EXOC6B: variants seen among roughly 807,000 people sequenced by gnomAD.
The protein encoded by EXOC6B is SEC15 homolog B.
A neutral mutation model predicts 113.5 loss-of-function variants in EXOC6B; 54 were observed. That is an observed-to-expected ratio of 0.48 (90% CI 0.38 to 0.60). The LOEUF (loss-of-function observed/expected upper bound fraction) is 0.60. Among genes scored for constraint, EXOC6B ranks in the 20% least tolerant of loss-of-function variants. The pLI is 0.00. For synonymous variants in EXOC6B, 357 were observed against 339.0 expected (o/e 1.05, Z -0.58); for missense variants, 797 against 977.5 (o/e 0.82, Z 2.46).
intron 8 of EXOC6B, among the ~76,000 whole-genome samples, chr2:72,533,328 A>G (rs913361339): frequency 2.6e-5 from 4 of 152,192 alleles, no homozygotes; most frequent in Non-Finnish European, 5.9e-5. Context: ...TCAGGTCTAC[A>G]TTGAAGAGCA....
intron 6 of EXOC6B, among the ~76,000 whole-genome samples, chr2:72,702,366 A>C (rs1678429363): frequency 7.5e-6 from 1 of 133,344 alleles, no homozygotes; most frequent in Non-Finnish European, 1.6e-5. Flanking sequence ...ATTGTGAATA[A>C]TGCCGCAATA....
At chr2:72,685,632 G>T (rs1245891345) in intron 6 of EXOC6B, among the ~76,000 whole-genome samples, 1 of 152,078 alleles carries the variant, frequency 6.6e-6, no homozygotes, top group Admixed American at 6.6e-5. Context: ...AACATTCTTA[G>T]GCAGCTTTTC....
chr2:72,478,319 G>C (rs1698873546), intron 17 of EXOC6B, among the ~76,000 whole-genome samples: 1 of 152,152 alleles, frequency 6.6e-6, no homozygotes, highest in South Asian at 2.1e-4. Flanking sequence ...AGAAATAAGA[G>C]GGAACTCTGC....
chr2:72,538,432 T>C (rs1702423306), intron 8 of EXOC6B, among the ~76,000 whole-genome samples: 1 of 152,244 alleles, frequency 6.6e-6, no homozygotes, highest in South Asian at 2.1e-4. Context: ...TGATGCTAAA[T>C]TTAATAATAT....
intron 11 of EXOC6B, among the ~76,000 whole-genome samples, chr2:72,502,723 C>A (rs924683975): frequency 2.0e-5 from 3 of 152,236 alleles, no homozygotes; most frequent in Admixed American, 2.0e-4. Flanking sequence ...CTTTAAGAAT[C>A]TGCTCTTTTT....
intron 1 of EXOC6B, among the ~76,000 whole-genome samples, chr2:72,754,135 C>T (rs1272597571): frequency 6.6e-6 from 1 of 152,068 alleles, no homozygotes; most frequent in African/African-American, 2.4e-5. Flanking sequence ...AATCCTCCCA[C>T]CTCGGCCTCC....
intron 1 of EXOC6B, among the ~76,000 whole-genome samples, chr2:72,759,374 G>A (rs1682614601): frequency 6.6e-6 from 1 of 152,092 alleles, no homozygotes; most frequent in South Asian, 2.1e-4. Flanking sequence ...TAATGCTTAT[G>A]CAGTTTTGAC....
At chr2:72,475,716 G>A (rs1191707936) in intron 17 of EXOC6B, among the ~76,000 whole-genome samples, 2 of 152,164 alleles carry the variant, frequency 1.3e-5, no homozygotes, top group African/African-American at 4.8e-5. Context: ...CTGGTTCCCT[G>A]CCACTGGGGA....
intron 19 of EXOC6B, among the ~76,000 whole-genome samples, chr2:72,345,190 T>A (rs538733347): frequency 6.6e-6 from 1 of 152,204 alleles, no homozygotes; most frequent in Non-Finnish European, 1.5e-5. Context: ...AAGCTTTTTA[T>A]AGACTCTGCA....
Position 72,459,783 on chromosome 2 carries a change from A to T in EXOC6B, c.1980+5377T>A, listed in dbSNP as rs1461157455. ...ATCGTGAAAATGGCCATACTGCCCA[A>T]GGTAATTTATAGATTCAATGCCATC... On this transcript the variant is annotated intron_variant, in intron 18 of 21. Coordinates refer to ENST00000272427, the MANE Select transcript of EXOC6B (RefSeq NM_015189.3). Among the ~76,000 whole-genome samples the T allele has an allele frequency of 2.6e-5, 4 of 152,294 alleles. 1 individual carries two copies. The highest frequency in any genetic ancestry group is 9.6e-5 in the African/African-American group (4 of 41,550).
At chr2:72,538,169 C>T (rs1222056778) in intron 8 of EXOC6B, among the ~76,000 whole-genome samples, 3 of 151,876 alleles carry the variant, frequency 2.0e-5, no homozygotes, top group Non-Finnish European at 4.4e-5. Flanking sequence ...CGCTATGTTG[C>T]CCAGGCTGGT....
At chr2:72,375,328 T>C (rs1372035835) in intron 19 of EXOC6B, among the ~76,000 whole-genome samples, 2 of 152,196 alleles carry the variant, frequency 1.3e-5, no homozygotes, top group South Asian at 2.1e-4. Context: ...GTGATGTCTA[T>C]AGGCTACTCC....
intron 1 of EXOC6B, among the ~76,000 whole-genome samples, chr2:72,750,834 C>T (rs557659881): frequency 6.6e-6 from 1 of 152,156 alleles, no homozygotes; most frequent in Non-Finnish European, 1.5e-5. Flanking sequence ...GAGAAATATA[C>T]CTTAACCTAT....
intron 20 of EXOC6B, among the ~76,000 whole-genome samples, chr2:72,242,032 G>A (rs1483539513): frequency 2.0e-5 from 3 of 151,894 alleles, no homozygotes; most frequent in Non-Finnish European, 2.9e-5. Context: ...CCAAGACCTC[G>A]TCTCTACAAA....
chr2:72,514,896 T>C, intron 9 of EXOC6B, 147 bp downstream of exon 9: 1 of 747,902 alleles, frequency 1.3e-6, no homozygotes. Context: ...AATGTTTTCT[T>C]ACTGCAAGTC....
chr2:72,601,124 A>ATGTGTGTG (rs61668760), intron 6 of EXOC6B, among the ~76,000 whole-genome samples: 19 of 138,678 alleles, frequency 1.4e-4, no homozygotes, highest in Non-Finnish European at 2.3e-4. Flanking sequence ...GTGTGTGTGT[A>ATGTGTGTG]TGTGTGTGTG....
intron 5 of EXOC6B, among the ~76,000 whole-genome samples, chr2:72,729,952 A>G (rs567926798): frequency 9.2e-5 from 14 of 152,198 alleles, no homozygotes; most frequent in African/African-American, 2.9e-4. Flanking sequence ...AATATATTTT[A>G]ATTGTATACT....
intron 19 of EXOC6B, among the ~76,000 whole-genome samples, chr2:72,344,259 A>G (rs1239744645): frequency 6.6e-6 from 1 of 152,070 alleles, no homozygotes; most frequent in African/African-American, 2.4e-5. Context: ...TTTCAGCTCC[A>G]AAATTTCTTT....
At chr2:72,195,097 G>A (rs1016530751) in intron 20 of EXOC6B, among the ~76,000 whole-genome samples, 2 of 152,152 alleles carry the variant, frequency 1.3e-5, no homozygotes, top group Non-Finnish European at 2.9e-5. Context: ...CCGCATAAAT[G>A]TGGATTTATA....
Sources: gnomAD v4.1 joint callset for allele counts (sites outside exome capture counted in the v4.1 genomes callset) on GRCh38, gnomAD v4.1.1 for gene constraint, MANE v1.5 for transcripts, NCBI Gene and HGNC (gene_info 2026-07-23, HGNC 2026-07-21) for gene names.